The following PSMA1 variants were observed in gnomAD, a reference collection of about 807,000 sequenced individuals.
PSMA1 encodes the protein proteasome 20S subunit alpha 1, also known as proteasome subunit alpha type-1.
Under a neutral mutation model 38.4 loss-of-function variants are expected in PSMA1, and 3 were observed. That is an observed-to-expected ratio of 0.08 (90% confidence interval 0.04 to 0.20). The LOEUF is 0.20. PSMA1 is among the 10% of genes least tolerant of loss of function. PSMA1 has a pLI of 1.00. For synonymous variants in PSMA1, 101 were observed against 107.1 expected (o/e 0.94, Z 0.35); for missense variants, 227 against 325.3 (o/e 0.70, Z 2.32).
At chr11:14,545,222 CA>C (rs1851813297) in intron 2 of PSMA1, among the ~76,000 whole-genome samples, 1 of 152,034 alleles carries the variant, frequency 6.6e-6, no homozygotes, top group Admixed American at 6.6e-5. Context: ...CAAAGCAAAC[CA>C]ATTCTATTGA....
intron 1 of PSMA1, among the ~76,000 whole-genome samples, chr11:14,620,735 AAG>A (rs1259845009): frequency 6.6e-6 from 1 of 152,192 alleles, no homozygotes; most frequent in Non-Finnish European, 1.5e-5. Flanking sequence ...TTGTAGATGA[AAG>A]AATTCATGTT....
intron 2 of PSMA1, among the ~76,000 whole-genome samples, chr11:14,576,104 GTTGT>G (rs1314298576): frequency 6.6e-6 from 1 of 152,058 alleles, no homozygotes; most frequent in Admixed American, 6.5e-5. Flanking sequence ...TTTTGATGGG[GTTGT>G]TTGATTTTTT....
chr11:14,593,613 TGAGAGA>T (rs59225796), intron 2 of PSMA1, among the ~76,000 whole-genome samples: 16,809 of 98,832 alleles, frequency 0.17, 1,636 homozygotes, highest in African/African-American at 0.21. Context: ...GGAGGAAAAA[TGAGAGA>T]GAGAGAGAGA....
At chr11:14,554,740 T>C (rs1275254192) in intron 2 of PSMA1, among the ~76,000 whole-genome samples, 2 of 152,186 alleles carry the variant, frequency 1.3e-5, no homozygotes, top group African/African-American at 4.8e-5. Flanking sequence ...TTTTTAAAAG[T>C]GGATTTTTTA....
At chr11:14,539,505 T>A (rs1014642695) in intron 2 of PSMA1, among the ~76,000 whole-genome samples, 3 of 152,110 alleles carry the variant, frequency 2.0e-5, no homozygotes, top group African/African-American at 7.2e-5. Context: ...AAAAAAATAA[T>A]TTTAAAAACC....
chr11:14,513,774 T>A (rs1851383586), intron 6 of PSMA1, 43 bp downstream of exon 6: 1 of 1,544,028 alleles, frequency 6.5e-7, no homozygotes, highest in African/African-American at 1.4e-5. Context: ...TTCTAGTTAA[T>A]TAAAAAAAAT....
intron 1 of PSMA1, among the ~76,000 whole-genome samples, chr11:14,628,116 T>A (rs1230484892): frequency 6.6e-6 from 1 of 152,168 alleles, no homozygotes; most frequent in Non-Finnish European, 1.5e-5. Context: ...ATGCAAGGGA[T>A]CTAGGTTGCA....
At chr11:14,622,600 A>C (rs1852860859) in intron 1 of PSMA1, among the ~76,000 whole-genome samples, 1 of 152,240 alleles carries the variant, frequency 6.6e-6, no homozygotes, top group Admixed American at 6.5e-5. Flanking sequence ...TCCCCTTCAA[A>C]GTAAAAGAAA....
At chr11:14,563,715 C>G (rs1236545825) in intron 2 of PSMA1, among the ~76,000 whole-genome samples, 1 of 152,126 alleles carries the variant, frequency 6.6e-6, no homozygotes, top group East Asian at 1.9e-4. Context: ...GCCCATAATT[C>G]TACCATTTAG....
intron 2 of PSMA1, among the ~76,000 whole-genome samples, chr11:14,546,022 G>C (rs373273665): frequency 8.5e-5 from 13 of 152,188 alleles, no homozygotes; most frequent in East Asian, 1.9e-4. Context: ...GACTCCTTTG[G>C]GGGGGTCCAT....
intron 2 of PSMA1, among the ~76,000 whole-genome samples, chr11:14,552,549 G>A (rs1032543353): frequency 1.3e-5 from 2 of 152,058 alleles, no homozygotes; most frequent in Non-Finnish European, 2.9e-5. Flanking sequence ...AAAGATAAGG[G>A]CAAGACAATT....
intron 8 of PSMA1, 108 bp downstream of exon 8, chr11:14,510,764 C>A: frequency 1.5e-6 from 1 of 646,568 alleles, no homozygotes; most frequent in Non-Finnish European, 2.4e-6. Context: ...TCTGCCAAGA[C>A]AATCATATCC....
chr11:14,635,458 G>C (rs1853102894), intron 1 of PSMA1, among the ~76,000 whole-genome samples: 1 of 152,184 alleles, frequency 6.6e-6, no homozygotes, highest in Admixed American at 6.5e-5. Context: ...TTAAGAACTG[G>C]AGCGCTGCAG....
chr11:14,513,794 A>G (rs1486849573), intron 6 of PSMA1, 23 bp downstream of exon 6: 3 of 1,566,402 alleles, frequency 1.9e-6, no homozygotes, highest in South Asian at 1.2e-5. Flanking sequence ...TCATTAACAT[A>G]TAACAATATT....
At chr11:14,508,128 CATT>C (rs1443659194) in intron 8 of PSMA1, among the ~76,000 whole-genome samples, 2 of 152,118 alleles carry the variant, frequency 1.3e-5, no homozygotes, top group African/African-American at 4.8e-5. Flanking sequence ...TATTAATGAT[CATT>C]AACTTCAAGT....
chr11:14,629,763 T>C (rs889772641), intron 1 of PSMA1, among the ~76,000 whole-genome samples: 4 of 150,550 alleles, frequency 2.7e-5, no homozygotes, highest in African/African-American at 7.3e-5. Flanking sequence ...TTGGGCAGTA[T>C]GGCCATTTTC....
chr11:14,593,944 T>C (rs1042161953), intron 2 of PSMA1, among the ~76,000 whole-genome samples: 4 of 152,168 alleles, frequency 2.6e-5, no homozygotes, highest in Non-Finnish European at 5.9e-5. Context: ...CAGTAAATGC[T>C]GTAGGAATGA....
At chr11:14,604,466 T>G (rs1357880496) in intron 2 of PSMA1, among the ~76,000 whole-genome samples, 1 of 152,202 alleles carries the variant, frequency 6.6e-6, no homozygotes, top group Non-Finnish European at 1.5e-5. Flanking sequence ...TTGGGGCACA[T>G]GCAATTTTAG....
rs886801307 is a variant in PSMA1 at position 14,558,609 on chromosome 11, C to A, written c.22-39568G>T. 2.0e-5 allele frequency among the ~76,000 whole-genome samples: 3 copies of A among 152,148 alleles called. No individual in the cohort carries two copies. In the East Asian group the frequency reaches 5.8e-4, roughly 29 times the overall value. On this transcript the variant is annotated intron_variant, in intron 2 of 10. Coordinates refer to the PSMA1 transcript ENST00000418988. Reference sequence around the variant, plus strand: ...GGAGAACGAATTGCAAGATCAGAAACCTGGAGGTTGGGGAAAAGTTGAGAT... The same window carrying A: ...GGAGAACGAATTGCAAGATCAGAAAACTGGAGGTTGGGGAAAAGTTGAGAT...
Sources: allele counts gnomAD v4.1 joint callset (sites outside exome capture counted in the v4.1 genomes callset), GRCh38; gene constraint gnomAD v4.1.1; transcripts MANE v1.5; gene names NCBI Gene and HGNC (gene_info 2026-07-23, HGNC 2026-07-21).